SLC25A48: variants seen among roughly 807,000 people sequenced by gnomAD.
The protein encoded by SLC25A48 is CTC-321K16.1.
SLC25A48 carries 29 observed loss-of-function variants against 32.2 expected under a neutral mutation model. The observed-to-expected ratio is 0.90, with a 90% CI of 0.67 to 1.23. The LOEUF (loss-of-function observed/expected upper bound fraction) is 1.23. Among genes scored for constraint, SLC25A48 ranks in the 50% most tolerant of loss-of-function variants. The pLI is 0.00. For missense variants in SLC25A48, 399 were observed against 422.7 expected, an observed-to-expected ratio of 0.94 and a Z score of 0.49; for synonymous variants, 164 against 172.3, an observed-to-expected ratio of 0.95 and a Z score of 0.38.
rs540387095 is a variant in SLC25A48, at chr5:135,656,392, T to C, written c.-521+21436T>C. ...ACACCCAGATTGGGCACCAGACTAT[T>C]GCAAGAGCTGAGATCCCTGGGTCCT... On this transcript the variant is annotated intron_variant, in intron 3 of 10. Coordinates refer to the SLC25A48 transcript ENST00000646290. 2.9e-3 allele frequency among the ~76,000 whole-genome samples: 437 copies of C among 152,280 alleles called. 1 individual carries two copies. Among genetic ancestry groups the C allele is most frequent in the African/African-American group, 0.01 (420 of 41,556 alleles).
chr5:135,630,042 A>G (rs1030970737), intron 2 of SLC25A48, among the ~76,000 whole-genome samples: 4 of 152,110 alleles, frequency 2.6e-5, no homozygotes, highest in South Asian at 4.2e-4. Context: ...GATCCTCTTC[A>G]CTTCCACCAG....
intron 3 of SLC25A48, among the ~76,000 whole-genome samples, chr5:135,769,071 A>G (rs971318968): frequency 6.6e-6 from 1 of 151,604 alleles, no homozygotes; most frequent in African/African-American, 2.4e-5. Flanking sequence ...CCAGTATTGC[A>G]GGGGGTGTAA....
chr5:135,615,283 G>C (rs1169996366), intron 1 of SLC25A48, among the ~76,000 whole-genome samples: 1 of 152,168 alleles, frequency 6.6e-6, no homozygotes, highest in East Asian at 1.9e-4. Context: ...CTTGTTAAAT[G>C]GTTGTGAACA....
chr5:135,705,965 C>G (rs1159015277), intron 3 of SLC25A48, among the ~76,000 whole-genome samples: 1 of 152,154 alleles, frequency 6.6e-6, no homozygotes, highest in Non-Finnish European at 1.5e-5. Flanking sequence ...AGCAGACGTC[C>G]CACCTTTGTT....
intron 3 of SLC25A48, among the ~76,000 whole-genome samples, chr5:135,655,509 G>T (rs1580759322): frequency 6.6e-6 from 1 of 152,150 alleles, no homozygotes; most frequent in South Asian, 2.1e-4. Flanking sequence ...CCACTGGATT[G>T]TATCTTCCAG....
intron 3 of SLC25A48, among the ~76,000 whole-genome samples, chr5:135,759,024 C>T (rs1273005051): frequency 6.6e-6 from 1 of 151,452 alleles, no homozygotes. Context: ...TGAATAATAT[C>T]AAGTGTTGAC....
intron 3 of SLC25A48, among the ~76,000 whole-genome samples, chr5:135,793,265 G>A (rs193071426): frequency 6.7e-6 from 1 of 149,246 alleles, no homozygotes; most frequent in East Asian, 2.0e-4. Context: ...TACCACAGTG[G>A]GTATACAATA....
chr5:135,619,436 A>T (rs549402308), intron 1 of SLC25A48, among the ~76,000 whole-genome samples: 6 of 152,180 alleles, frequency 3.9e-5, no homozygotes, highest in Admixed American at 3.3e-4. Flanking sequence ...ATCTCACTGA[A>T]CTTCTTTAGT....
chr5:135,712,005 C>T (rs902292557), intron 3 of SLC25A48, among the ~76,000 whole-genome samples: 7 of 151,936 alleles, frequency 4.6e-5, no homozygotes, highest in African/African-American at 9.7e-5. Flanking sequence ...CCCAACTTCT[C>T]GCAAGTCTGC....
intron 3 of SLC25A48, among the ~76,000 whole-genome samples, chr5:135,751,716 C>T (rs1160132125): frequency 6.6e-6 from 1 of 152,106 alleles, no homozygotes. Flanking sequence ...TGCCTGTAGT[C>T]CCAGCTACTT....
At chr5:135,856,385 C>T (rs1760320644) in intron 4 of SLC25A48, among the ~76,000 whole-genome samples, 1 of 152,192 alleles carries the variant, frequency 6.6e-6, no homozygotes, top group South Asian at 2.1e-4. Flanking sequence ...GACCCCTCTG[C>T]CCAGGGAGGC....
At chr5:135,631,902 T>A (rs996352123) in intron 2 of SLC25A48, among the ~76,000 whole-genome samples, 1 of 152,246 alleles carries the variant, frequency 6.6e-6, no homozygotes, top group East Asian at 1.9e-4. Context: ...TCTTTATCTA[T>A]AACACTGTTA....
intron 3 of SLC25A48, among the ~76,000 whole-genome samples, chr5:135,693,311 A>T (rs1754187626): frequency 6.6e-6 from 1 of 152,200 alleles, no homozygotes; most frequent in Non-Finnish European, 1.5e-5. Flanking sequence ...TGAATTTTGC[A>T]TGAGGTCAAA....
At chr5:135,774,068 G>A (rs545855731) in intron 3 of SLC25A48, among the ~76,000 whole-genome samples, 3 of 151,592 alleles carry the variant, frequency 2.0e-5, no homozygotes, top group East Asian at 3.9e-4. Context: ...ACTCTCCCAT[G>A]TTATTTTTCC....
chr5:135,687,562 C>CT (rs928841982), intron 3 of SLC25A48, among the ~76,000 whole-genome samples: 4 of 151,866 alleles, frequency 2.6e-5, no homozygotes, highest in African/African-American at 7.3e-5. Context: ...CAGGTCAAGT[C>CT]TTTTTTTTAA....
chr5:135,819,830 G>A (rs1368301317), intron 4 of SLC25A48, among the ~76,000 whole-genome samples: 1 of 152,090 alleles, frequency 6.6e-6, no homozygotes, highest in Non-Finnish European at 1.5e-5. Context: ...TAAAAGAAAT[G>A]CTCAACATCA....
At chr5:135,702,747 AC>A (rs1754421465) in intron 3 of SLC25A48, among the ~76,000 whole-genome samples, 2 of 152,354 alleles carry the variant, frequency 1.3e-5, no homozygotes, top group Admixed American at 1.3e-4. Context: ...GGAAGCCTGT[AC>A]AATATTGTTA....
chr5:135,699,987 G>A (rs955062605), intron 3 of SLC25A48, among the ~76,000 whole-genome samples: 1 of 152,160 alleles, frequency 6.6e-6, no homozygotes, highest in Non-Finnish European at 1.5e-5. Flanking sequence ...TCTCAACTCC[G>A]TGGCCTGAAG....
chr5:135,769,860 A>C (rs1283118139), intron 3 of SLC25A48, among the ~76,000 whole-genome samples: 1 of 151,338 alleles, frequency 6.6e-6, no homozygotes, highest in Non-Finnish European at 1.5e-5. Context: ...AATATCCATG[A>C]GGGGAAAGGA....
Sources: allele counts gnomAD v4.1 joint callset (sites outside exome capture counted in the v4.1 genomes callset), GRCh38; gene constraint gnomAD v4.1.1; transcripts MANE v1.5; gene names NCBI Gene and HGNC (gene_info 2026-07-23, HGNC 2026-07-21).